RNF216: variants seen among roughly 807,000 people sequenced by gnomAD.
RNF216 encodes the protein E3 ubiquitin-protein ligase RNF216.
RNF216 carries 72 observed loss-of-function variants against 110.8 expected under a neutral mutation model. The ratio of observed to expected loss-of-function variants is 0.65; its 90% CI spans 0.54 to 0.79. RNF216 has a LOEUF of 0.79. Among genes scored for constraint, RNF216 ranks in the 30% least tolerant of loss-of-function variants. RNF216 has a pLI of 0.00. For missense variants in RNF216, 1,342 were observed against 1,141.2 expected (o/e 1.18, Z -2.54); for synonymous variants, 495 against 407.5 (o/e 1.21, Z -2.59).
intron 14 of RNF216, among the ~76,000 whole-genome samples, chr7:5,642,244 G>C (rs1584361493): frequency 6.8e-6 from 1 of 147,202 alleles, no homozygotes. Context: ...ACAGAGTCTT[G>C]CTCTGTCACC....
chr7:5,754,141 T>C (rs1324545352), intron 2 of RNF216, among the ~76,000 whole-genome samples: 2 of 151,416 alleles, frequency 1.3e-5, no homozygotes, highest in African/African-American at 4.9e-5. Flanking sequence ...TGTGTGTGTG[T>C]GTGTGTGTGT....
chr7:5,679,890 AG>A (rs1790540782), intron 13 of RNF216, among the ~76,000 whole-genome samples: 1 of 152,220 alleles, frequency 6.6e-6, no homozygotes. Flanking sequence ...GTCCCTGGGC[AG>A]GTGAGCCAGG....
intron 1 of RNF216, among the ~76,000 whole-genome samples, chr7:5,765,097 T>C (rs565504847): frequency 1.8e-3 from 253 of 141,130 alleles, no homozygotes; most frequent in Admixed American, 3.5e-3. Context: ...AAGGATGGGA[T>C]AAAACAATTT....
rs1403247821 is a variant in RNF216, at chr7:5,741,409, T to A, written c.608A>T (p.Asp203Val). Residue 203 changes from aspartate (D) to valine (V), a missense_variant, in exon 4 of 17, where the codon GAC (aspartate) becomes GTC (valine). Transcript: ENST00000389902. ...PLETQNQSSE[D>V]SETELLSNLG... is the part of the protein sequence containing the mutation. ...ATTTGATAACAGCTCTGTCTCTGAG[T>A]CTTCGGATGACTGGTTCTGAGTTTC... 1 of 1,614,162 alleles carries A rather than the reference T, an allele frequency of 6.2e-7. No individual in the cohort carries two copies.
intron 13 of RNF216, among the ~76,000 whole-genome samples, chr7:5,705,329 A>G (rs893819286): frequency 4.6e-5 from 7 of 152,224 alleles, no homozygotes; most frequent in Non-Finnish European, 1.0e-4. Flanking sequence ...TGTAAACAGC[A>G]TCATCAACTA....
intron 1 of RNF216, among the ~76,000 whole-genome samples, chr7:5,763,481 T>C (rs899464671): frequency 9.2e-5 from 14 of 151,976 alleles, no homozygotes; most frequent in Admixed American, 6.6e-4. Flanking sequence ...AATATAAAAA[T>C]TAGCCAGGCG....
chr7:5,666,331 G>C (rs1421268571), intron 13 of RNF216, among the ~76,000 whole-genome samples: 1 of 152,128 alleles, frequency 6.6e-6, no homozygotes, highest in Non-Finnish European at 1.5e-5. Context: ...GGTGGAGAGG[G>C]GGAAATAGTT....
chr7:5,759,056 C>G (rs1299181288), intron 2 of RNF216, among the ~76,000 whole-genome samples: 2 of 152,088 alleles, frequency 1.3e-5, no homozygotes, highest in African/African-American at 4.8e-5. Flanking sequence ...TTAGCACAAT[C>G]CGTTCTGGTT....
In RNF216 at chr7:5,624,202, G is replaced by A. The variant is rs368788748; in HGVS notation, c.2383-77C>T. ...GGCCCCGTGGGACAGTGAGGAGGCCGCTTGTTGCTTATGGCCATGGAACAA... is the reference window on the plus strand; with the variant it reads ...GGCCCCGTGGGACAGTGAGGAGGCCACTTGTTGCTTATGGCCATGGAACAA... On this transcript the variant is annotated intron_variant, in intron 15 of 16. Coordinates refer to ENST00000389902, the MANE Select transcript of RNF216 (RefSeq NM_207111.4). The surrounding 1 kb of genome is among the most constrained non-coding windows in gnomAD (Gnocchi z 4.4). 68 of 1,245,646 alleles carry A rather than the reference G, an allele frequency of 5.5e-5. No individual in the cohort carries two copies. The African/African-American group carries it at 6.2e-4, about 11-fold the overall frequency. 77.2% of individuals were successfully genotyped at this position (1,245,646 alleles called of 1,614,324 possible). A position where few individuals can be genotyped will look rare whatever the true frequency, so the allele number is the denominator to read the frequency against.
chr7:5,703,410 T>A (rs764803497), intron 13 of RNF216, among the ~76,000 whole-genome samples: 1 of 152,252 alleles, frequency 6.6e-6, no homozygotes, highest in Non-Finnish European at 1.5e-5. Flanking sequence ...GGAGCTGCCC[T>A]GGCATTGATA....
At chr7:5,640,598 G>C (rs1787678472) in intron 15 of RNF216, among the ~76,000 whole-genome samples, 1 of 152,144 alleles carries the variant, frequency 6.6e-6, no homozygotes, top group Non-Finnish European at 1.5e-5. Flanking sequence ...AAATCAAGAA[G>C]AAATATTTGA....
At chr7:5,653,265 A>G (rs1788507739) in intron 13 of RNF216, among the ~76,000 whole-genome samples, 1 of 152,090 alleles carries the variant, frequency 6.6e-6, no homozygotes, top group African/African-American at 2.4e-5. Flanking sequence ...AAATGCTTTC[A>G]TATGTGCCAG....
intron 13 of RNF216, among the ~76,000 whole-genome samples, chr7:5,698,223 G>C (rs1220771368): frequency 6.6e-6 from 1 of 152,152 alleles, no homozygotes. Flanking sequence ...GGTCATGTGG[G>C]CTTTCTTCTG....
At chr7:5,740,104 CTTTTTTTTT>C (rs71004698) in intron 4 of RNF216, among the ~76,000 whole-genome samples, 133 of 118,344 alleles carry the variant, frequency 1.1e-3, no homozygotes, top group African/African-American at 4.2e-3. Context: ...GATGTAACAC[CTTTTTTTTT>C]TTTTTTTTTT....
chr7:5,657,959 C>T (rs1228823879), intron 13 of RNF216, among the ~76,000 whole-genome samples: 2 of 152,230 alleles, frequency 1.3e-5, no homozygotes, highest in Non-Finnish European at 2.9e-5. Context: ...AAGGCTTGGT[C>T]CTTGCCCTCA....
At chr7:5,738,220 C>A (rs1794546446) in intron 5 of RNF216, among the ~76,000 whole-genome samples, 1 of 151,494 alleles carries the variant, frequency 6.6e-6, no homozygotes, top group African/African-American at 2.4e-5. Context: ...ATATTTACCA[C>A]TTATAAAAAA....
At chr7:5,634,884 G>T (rs1373466165) in intron 15 of RNF216, among the ~76,000 whole-genome samples, 1 of 152,168 alleles carries the variant, frequency 6.6e-6, no homozygotes, top group Non-Finnish European at 1.5e-5. Context: ...CACTGCTGGG[G>T]TAGCAAAACT....
intron 13 of RNF216, among the ~76,000 whole-genome samples, chr7:5,688,193 T>C (rs78757243): frequency 0.013 from 1,918 of 152,312 alleles, 56 homozygotes; most frequent in African/African-American, 0.044. Context: ...ATTTCAAAAA[T>C]GATTAGTCTT....
chr7:5,778,779 T>C (rs1796916282), intron 1 of RNF216, among the ~76,000 whole-genome samples: 1 of 152,246 alleles, frequency 6.6e-6, no homozygotes. Context: ...AGTCTCGCTC[T>C]GTCACCCAGG....
Sources: gnomAD v4.1 joint callset for allele counts (sites outside exome capture counted in the v4.1 genomes callset) on GRCh38, gnomAD v4.1.1 for gene constraint, Gnocchi (gnomAD v3.1) non-coding constraint, MANE v1.5 for transcripts, NCBI Gene and HGNC (gene_info 2026-07-23, HGNC 2026-07-21) for gene names.